Variants in CLYBL observed in about 807,000 individuals in gnomAD.
CLYBL encodes citramalyl-CoA lyase, mitochondrial.
In CLYBL, 31 loss-of-function variants were observed where a neutral mutation model predicts 38.9. The observed-to-expected ratio is 0.80, with a 90% confidence interval of 0.60 to 1.08. CLYBL has a LOEUF of 1.08. CLYBL is among the 50% of genes least tolerant of loss of function. The probability of loss-of-function intolerance (pLI) is 0.00; values close to 1 mark genes in which losing one functional copy is unlikely to be tolerated. For synonymous variants in CLYBL, 171 were observed against 158.6 expected (o/e 1.08, Z -0.59); for missense variants, 434 against 411.6 (o/e 1.05, Z -0.47).
At chr13:99,752,723 C>A (rs1011775096) in intron 1 of CLYBL, among the ~76,000 whole-genome samples, 2 of 150,138 alleles carry the variant, frequency 1.3e-5, no homozygotes, top group East Asian at 3.9e-4. Context: ...CTTTGTGTCA[C>A]CCCCTCATGG....
At chr13:99,676,186 G>GT (rs2047642990) in intron 1 of CLYBL, among the ~76,000 whole-genome samples, 1 of 132,994 alleles carries the variant, frequency 7.5e-6, no homozygotes. Context: ...CCCTCCGTCC[G>GT]TCCTTCCTTC....
chr13:99,803,196 C>T (rs971859337), intron 2 of CLYBL, among the ~76,000 whole-genome samples: 1 of 152,166 alleles, frequency 6.6e-6, no homozygotes, highest in Non-Finnish European at 1.5e-5. Flanking sequence ...CTGAAGGTTT[C>T]TAGGAAGGTT....
intron 1 of CLYBL, among the ~76,000 whole-genome samples, chr13:99,757,712 G>T (rs1267622017): frequency 6.6e-6 from 1 of 152,160 alleles, no homozygotes; most frequent in Non-Finnish European, 1.5e-5. Context: ...ACCCGCCTCG[G>T]CCTCCCAAAG....
intron 1 of CLYBL, among the ~76,000 whole-genome samples, chr13:99,616,401 GCA>G (rs1237739484): frequency 2.6e-5 from 4 of 152,240 alleles, no homozygotes; most frequent in Admixed American, 2.0e-4. Context: ...CATGACTCTA[GCA>G]CATATATATT....
intron 1 of CLYBL, among the ~76,000 whole-genome samples, chr13:99,609,169 G>GTTTTTTT (rs58873910): frequency 1.1e-4 from 5 of 45,780 alleles, no homozygotes; most frequent in East Asian, 9.1e-4. Context: ...ACCTGTCTTT[G>GTTTTTTT]TTTTTTTTTT....
intron 1 of CLYBL, among the ~76,000 whole-genome samples, chr13:99,731,850 G>A (rs1447383991): frequency 6.6e-6 from 1 of 152,102 alleles, no homozygotes; most frequent in Non-Finnish European, 1.5e-5. Flanking sequence ...ACACCAGAAT[G>A]GTTTCACTTA....
intron 1 of CLYBL, among the ~76,000 whole-genome samples, chr13:99,642,366 G>T (rs1381361523): frequency 6.6e-6 from 1 of 152,088 alleles, no homozygotes; most frequent in African/African-American, 2.4e-5. Context: ...ATCCATCTTG[G>T]GGTGAAAATC....
intron 1 of CLYBL, among the ~76,000 whole-genome samples, chr13:99,637,592 C>G (rs965621565): frequency 6.6e-6 from 1 of 152,098 alleles, no homozygotes; most frequent in African/African-American, 2.4e-5. Flanking sequence ...GAAACCCTGT[C>G]TTTACTAAAA....
At chr13:99,817,433 C>T (rs1417966651) in intron 2 of CLYBL, among the ~76,000 whole-genome samples, 6 of 150,976 alleles carry the variant, frequency 4.0e-5, no homozygotes, top group African/African-American at 1.5e-4. Context: ...CCGAGGCGGG[C>T]GGATCACGAG....
chr13:99,714,629 A>G (rs2048284842), intron 1 of CLYBL, among the ~76,000 whole-genome samples: 3 of 150,652 alleles, frequency 2.0e-5, no homozygotes, highest in African/African-American at 7.3e-5. Flanking sequence ...AAATAAATAA[A>G]TAAATAAATA....
chr13:99,896,428 G>A (rs923846498), downstream of CLYBL: 1 of 152,314 alleles, frequency 6.6e-6, no homozygotes, highest in East Asian at 1.9e-4. Flanking sequence ...CACCTGCGCA[G>A]GGCCCTTGCG....
At chr13:99,665,811 T>C (rs1360630980) in intron 1 of CLYBL, among the ~76,000 whole-genome samples, 1 of 152,248 alleles carries the variant, frequency 6.6e-6, no homozygotes, top group Non-Finnish European at 1.5e-5. Context: ...GTTGGACTGA[T>C]TCATGTTAGA....
intron 1 of CLYBL, among the ~76,000 whole-genome samples, chr13:99,742,351 T>TA (rs1392335435): frequency 6.6e-6 from 1 of 152,224 alleles, no homozygotes; most frequent in African/African-American, 2.4e-5. Context: ...ATTTTTATTA[T>TA]AAAAGGGGAA....
chr13:99,637,488 C>CGG (rs1566595438), intron 1 of CLYBL, among the ~76,000 whole-genome samples: 1 of 152,074 alleles, frequency 6.6e-6, no homozygotes, highest in Non-Finnish European at 1.5e-5. Context: ...TAGCCGGGCA[C>CGG]GGTGGCTCAC....
intron 1 of CLYBL, among the ~76,000 whole-genome samples, chr13:99,664,979 T>G (rs1398998272): frequency 1.3e-5 from 2 of 152,066 alleles, no homozygotes; most frequent in Non-Finnish European, 2.9e-5. Context: ...TAAGACAAAT[T>G]ATAATCACAA....
intron 2 of CLYBL, among the ~76,000 whole-genome samples, chr13:99,816,620 G>A (rs975778935): frequency 4.6e-5 from 7 of 152,160 alleles, no homozygotes; most frequent in East Asian, 3.9e-4. Context: ...CTGGACTAGC[G>A]CCCATATGAA....
At chr13:99,860,706 A>G (rs532830388) in intron 3 of CLYBL, among the ~76,000 whole-genome samples, 1 of 152,378 alleles carries the variant, frequency 6.6e-6, no homozygotes, top group African/African-American at 2.4e-5. Context: ...AGACACATAC[A>G]GAAATTTAAA....
intron 2 of CLYBL, among the ~76,000 whole-genome samples, chr13:99,793,632 A>C (rs1169769361): frequency 6.6e-6 from 1 of 152,208 alleles, no homozygotes; most frequent in Non-Finnish European, 1.5e-5. Flanking sequence ...TCTTCAAACC[A>C]GGCATCCTCT....
intron 2 of CLYBL, among the ~76,000 whole-genome samples, chr13:99,831,693 G>A (rs1485893334): frequency 6.7e-6 from 1 of 149,960 alleles, no homozygotes; most frequent in Admixed American, 6.6e-5. Context: ...GTAAATACCC[G>A]CTTCTTGAGT....
Sources: gnomAD v4.1 joint callset for allele counts (sites outside exome capture counted in the v4.1 genomes callset) on GRCh38, gnomAD v4.1.1 for gene constraint, MANE v1.5 for transcripts, NCBI Gene and HGNC (gene_info 2026-07-23, HGNC 2026-07-21) for gene names.